Variants in GMEB1 observed in about 807,000 individuals in gnomAD.
GMEB1 encodes the protein glucocorticoid modulatory element-binding protein 1.
In GMEB1, 6 loss-of-function variants were observed where a neutral mutation model predicts 52.4. The observed-to-expected ratio is 0.11, with a 90% CI of 0.06 to 0.23. GMEB1 has a LOEUF of 0.23. GMEB1 is among the 10% of genes least tolerant of loss of function. The pLI is 1.00. For synonymous variants in GMEB1, 255 were observed against 244.9 expected (o/e 1.04, Z -0.38); for missense variants, 486 against 685.6 (o/e 0.71, Z 3.25).
intron 8 of GMEB1, among the ~76,000 whole-genome samples, chr1:28,706,821 T>C (rs2124572680): frequency 6.7e-6 from 1 of 149,746 alleles, no homozygotes; most frequent in Non-Finnish European, 1.5e-5. Flanking sequence ...AATACCACCA[T>C]GCCTGGCTAG....
At chr1:28,693,789 A>G (rs1670076440) in intron 5 of GMEB1, among the ~76,000 whole-genome samples, 1 of 152,184 alleles carries the variant, frequency 6.6e-6, no homozygotes, top group Admixed American at 6.6e-5. Flanking sequence ...AAAAAGGATA[A>G]CATTTTTAAA....
At chr1:28,682,543 G>C (rs1416493277) in intron 1 of GMEB1, among the ~76,000 whole-genome samples, 1 of 150,476 alleles carries the variant, frequency 6.6e-6, no homozygotes, top group East Asian at 2.0e-4. Flanking sequence ...AATCGCTTGA[G>C]CTTGGGAGGC....
chr1:28,709,644 G>A (rs1056199403), intron 8 of GMEB1, among the ~76,000 whole-genome samples: 1 of 152,036 alleles, frequency 6.6e-6, no homozygotes. Flanking sequence ...GCACGATCTT[G>A]GTTCACTGTA....
At chr1:28,681,352 A>G (rs1036952860) in intron 1 of GMEB1, among the ~76,000 whole-genome samples, 5 of 152,194 alleles carry the variant, frequency 3.3e-5, no homozygotes, top group African/African-American at 9.7e-5. Flanking sequence ...TGGGCAACGG[A>G]GCGAGACCGC....
At position 28,717,092 on chromosome 1, in the gene GMEB1, T is replaced by A. The variant is rs759077587; in HGVS notation, c.*2319T>A. The A allele has an allele frequency of 6.6e-6, 1 of 151,966 alleles. No homozygotes were observed. The highest frequency in any genetic ancestry group is 1.5e-5 in the Non-Finnish European group (1 of 67,994). 9.4% of individuals were successfully genotyped at this position (151,966 alleles called of 1,614,324 possible). A position where few individuals can be genotyped will look rare whatever the true frequency, so the allele number is the denominator to read the frequency against. ...GAAGCCATGTTTCTTCCAACAGATGTTGGAAACCCCATCGAGCAAGTAAAA... is the reference window on the plus strand; with the variant it reads ...GAAGCCATGTTTCTTCCAACAGATGATGGAAACCCCATCGAGCAAGTAAAA... On this transcript the variant is annotated 3_prime_UTR_variant, in exon 10 of 10. Transcript: ENST00000373816.
intron 2 of GMEB1, among the ~76,000 whole-genome samples, chr1:28,687,967 G>A (rs1362835218): frequency 2.0e-5 from 3 of 152,086 alleles, no homozygotes; most frequent in Non-Finnish European, 2.9e-5. Flanking sequence ...TAACGAATTC[G>A]ACAAAGTCCT....
intron 8 of GMEB1, among the ~76,000 whole-genome samples, chr1:28,707,274 G>T (rs972547133): frequency 6.6e-6 from 1 of 151,950 alleles, no homozygotes; most frequent in African/African-American, 2.4e-5. Flanking sequence ...GAGCCACTGT[G>T]CCTGTAAAAT....
At chr1:28,696,833 G>GGC in intron 5 of GMEB1, 94 bp from the exon 6 acceptor site, 1 of 932,272 alleles carries the variant, frequency 1.1e-6, no homozygotes, top group Non-Finnish European at 1.6e-6. Context: ...CTACACAGTA[G>GGC]GCTCAGCAGT....
chr1:28,705,739 C>T (rs1670725704), intron 8 of GMEB1, among the ~76,000 whole-genome samples: 2 of 151,792 alleles, frequency 1.3e-5, no homozygotes, highest in Admixed American at 1.3e-4. Flanking sequence ...GCATGAGCCA[C>T]CGCGCCCAGC....
chr1:28,684,858 TTAAATAAA>T (rs1000883446), intron 2 of GMEB1, among the ~76,000 whole-genome samples: 1 of 152,060 alleles, frequency 6.6e-6, no homozygotes, highest in South Asian at 2.1e-4. Context: ...TCCTAGAACT[TTAAATAAA>T]TAAATAAATA....
chr1:28,695,278 G>A (rs773166189), intron 5 of GMEB1, among the ~76,000 whole-genome samples: 4 of 151,350 alleles, frequency 2.6e-5, no homozygotes, highest in Non-Finnish European at 5.9e-5. Flanking sequence ...TGTTGCCAAG[G>A]CTAGAGTGTA....
At chr1:28,680,793 C>T (rs1297061469) in intron 1 of GMEB1, among the ~76,000 whole-genome samples, 2 of 151,410 alleles carry the variant, frequency 1.3e-5, no homozygotes, top group Non-Finnish European at 2.9e-5. Flanking sequence ...TGGCTCATCC[C>T]AGCACTTTGG....
rs116093303 is a variant in GMEB1, at chr1:28,710,477, A to G, written c.869-43A>G. On this transcript the variant is annotated intron_variant, in intron 8 of 9. Coordinates refer to ENST00000373816, the MANE Select transcript of GMEB1 (RefSeq NM_001319674.2). ...ACAGCACAATGGAGAGTGGTGGAACATATCTGTTTTAACTGGACAGGCATG... is the reference window on the plus strand; with the variant it reads ...ACAGCACAATGGAGAGTGGTGGAACGTATCTGTTTTAACTGGACAGGCATG... The G allele has an allele frequency of 8.0e-4, 1,204 of 1,506,754 alleles. 10 individuals are homozygous for G. In the African/African-American group the frequency reaches 0.015, roughly 19 times the overall value. The allele number at this position is 1,506,754 out of a possible 1,614,324, so 93.3% of individuals were successfully genotyped here. A position where few individuals can be genotyped will look rare whatever the true frequency, so the allele number is the denominator to read the frequency against.
chr1:28,671,183 G>T (rs1303068743), intron 1 of GMEB1, among the ~76,000 whole-genome samples: 1 of 152,200 alleles, frequency 6.6e-6, no homozygotes, highest in East Asian at 1.9e-4. Flanking sequence ...ATATCAAGGA[G>T]TTTTGGCCTC....
chr1:28,686,256 AC>A (rs1268196051), intron 2 of GMEB1, among the ~76,000 whole-genome samples: 2 of 152,030 alleles, frequency 1.3e-5, no homozygotes, highest in Non-Finnish European at 2.9e-5. Flanking sequence ...TGGGATGATC[AC>A]CTGAGCCTAG....
chr1:28,675,572 C>T (rs142009394), intron 1 of GMEB1, among the ~76,000 whole-genome samples: 10 of 151,188 alleles, frequency 6.6e-5, no homozygotes, highest in African/African-American at 2.2e-4. Context: ...AGCTGCTACT[C>T]GGAAGGCTGA....
intron 8 of GMEB1, among the ~76,000 whole-genome samples, chr1:28,706,450 A>G (rs533161217): frequency 2.6e-5 from 4 of 151,774 alleles, no homozygotes; most frequent in Non-Finnish European, 5.9e-5. Flanking sequence ...ACAAAAATAC[A>G]AAAATCCGCG....
intron 2 of GMEB1, among the ~76,000 whole-genome samples, chr1:28,685,165 T>C (rs1340969157): frequency 6.6e-6 from 1 of 151,898 alleles, no homozygotes; most frequent in African/African-American, 2.4e-5. Flanking sequence ...TACAATACAA[T>C]GTATTATGAA....
chr1:28,678,435 G>A (rs1205773019), intron 1 of GMEB1, among the ~76,000 whole-genome samples: 1 of 151,200 alleles, frequency 6.6e-6, no homozygotes, highest in Non-Finnish European at 1.5e-5. Context: ...TCAGCCTCCC[G>A]AGTAGCTTGG....
Sources: allele counts gnomAD v4.1 joint callset (sites outside exome capture counted in the v4.1 genomes callset), GRCh38; gene constraint gnomAD v4.1.1; transcripts MANE v1.5; gene names NCBI Gene and HGNC (gene_info 2026-07-23, HGNC 2026-07-21).